The following ITGBL1 variants were observed in gnomAD, a reference collection of about 807,000 sequenced individuals.
The protein encoded by ITGBL1 is integrin beta-like protein 1.
ITGBL1 carries 51 observed loss-of-function variants against 68.5 expected under a neutral mutation model. The observed-to-expected ratio is 0.74, with a 90% CI of 0.59 to 0.94. The LOEUF (loss-of-function observed/expected upper bound fraction) is 0.94. ITGBL1 is among the 40% of genes least tolerant of loss of function. The pLI, the probability that ITGBL1 is intolerant of heterozygous loss-of-function variation, is 0.00. For synonymous variants in ITGBL1, 209 were observed against 227.3 expected (o/e 0.92, Z 0.72); for missense variants, 649 against 647.4 (o/e 1.00, Z -0.03).
In ITGBL1 at chr13:101,627,689, G is replaced by A. The variant is rs529092276; in HGVS notation, c.1015+29390G>A. 7.9e-5 allele frequency among the ~76,000 whole-genome samples: 12 copies of A among 152,182 alleles called. No homozygotes were observed. The South Asian group carries it at 1.9e-3, about 24-fold the overall frequency. ...TCACCATAGTTTTGCATTTTCCAGA[G>A]TGTCATACAGTGTGTAGGCTTTTCA... On this transcript the variant is annotated intron_variant, in intron 7 of 10. Transcript: ENST00000376180.
chr13:101,621,701 A>G (rs2031590346), intron 7 of ITGBL1, among the ~76,000 whole-genome samples: 1 of 152,168 alleles, frequency 6.6e-6, no homozygotes, highest in Non-Finnish European at 1.5e-5. Flanking sequence ...TGAAGATAAT[A>G]CAAAAAGAAA....
At chr13:101,549,637 A>G (rs2049887844) in intron 2 of ITGBL1, among the ~76,000 whole-genome samples, 1 of 152,084 alleles carries the variant, frequency 6.6e-6, no homozygotes, top group Non-Finnish European at 1.5e-5. Flanking sequence ...AAAATTTTTT[A>G]AAAGATTTTT....
chr13:101,545,782 T>G (rs2049811146), intron 2 of ITGBL1, among the ~76,000 whole-genome samples: 1 of 152,170 alleles, frequency 6.6e-6, no homozygotes, highest in Non-Finnish European at 1.5e-5. Context: ...CAGCCTATGA[T>G]TCAACAACTA....
intron 1 of ITGBL1, among the ~76,000 whole-genome samples, chr13:101,453,435 C>G (rs752129287): frequency 8.5e-5 from 13 of 152,226 alleles, no homozygotes; most frequent in Non-Finnish European, 7.3e-5. Context: ...TATAGATTCA[C>G]GTTTTCTCTT....
intron 2 of ITGBL1, among the ~76,000 whole-genome samples, chr13:101,477,147 T>A: frequency 6.6e-6 from 1 of 152,098 alleles, no homozygotes; most frequent in East Asian, 1.9e-4. Context: ...ACATATCTTC[T>A]CAGACCACAA....
intron 4 of ITGBL1, among the ~76,000 whole-genome samples, chr13:101,578,213 AGAAATACCAT>A (rs1336250673): frequency 1.3e-5 from 2 of 152,178 alleles, no homozygotes; most frequent in African/African-American, 2.4e-5. Flanking sequence ...GCCATTGGCC[AGAAATACCAT>A]AGTGTTAGAA....
intron 2 of ITGBL1, among the ~76,000 whole-genome samples, chr13:101,483,015 TG>T (rs2048648711): frequency 6.6e-6 from 1 of 152,188 alleles, no homozygotes. Context: ...TAAGAAACAC[TG>T]GTATAGAGCT....
At chr13:101,644,109 G>A (rs1361004740) in intron 7 of ITGBL1, among the ~76,000 whole-genome samples, 2 of 152,096 alleles carry the variant, frequency 1.3e-5, no homozygotes, top group African/African-American at 4.8e-5. Context: ...TGCATGCTTG[G>A]CCCTCCCTGT....
At chr13:101,600,718 C>T (rs1469046784) in intron 7 of ITGBL1, among the ~76,000 whole-genome samples, 1 of 152,130 alleles carries the variant, frequency 6.6e-6, no homozygotes, top group Non-Finnish European at 1.5e-5. Context: ...GTCTTTGGTT[C>T]TGTTTATATG....
At chr13:101,529,075 A>G (rs1011730308) in intron 2 of ITGBL1, among the ~76,000 whole-genome samples, 6 of 152,098 alleles carry the variant, frequency 3.9e-5, no homozygotes, top group African/African-American at 9.6e-5. Flanking sequence ...AATTTCAGAA[A>G]TGAAGACTAA....
At chr13:101,470,771 G>A (rs1397335782) in intron 2 of ITGBL1, among the ~76,000 whole-genome samples, 1 of 152,090 alleles carries the variant, frequency 6.6e-6, no homozygotes, top group Non-Finnish European at 1.5e-5. Context: ...TCTATGGGGT[G>A]CCCTTAAAAA....
chr13:101,521,763 G>A (rs1408202221), intron 2 of ITGBL1, among the ~76,000 whole-genome samples: 3 of 152,114 alleles, frequency 2.0e-5, no homozygotes, highest in South Asian at 2.1e-4. Context: ...ATCCGCACAA[G>A]TAAAATTGCA....
chr13:101,701,186 G>T (rs768543263), intron 8 of ITGBL1, among the ~76,000 whole-genome samples: 1 of 152,090 alleles, frequency 6.6e-6, no homozygotes, highest in African/African-American at 2.4e-5. Flanking sequence ...TTTGATGATT[G>T]GCTGAGCTAG....
At chr13:101,530,189 C>T (rs2049449110) in intron 2 of ITGBL1, among the ~76,000 whole-genome samples, 1 of 151,886 alleles carries the variant, frequency 6.6e-6, no homozygotes, top group East Asian at 1.9e-4. Flanking sequence ...TAGAACAAGT[C>T]TTAGTGTAGA....
intron 2 of ITGBL1, among the ~76,000 whole-genome samples, chr13:101,542,212 T>C (rs2049719579): frequency 6.6e-6 from 1 of 152,244 alleles, no homozygotes; most frequent in South Asian, 2.1e-4. Flanking sequence ...AATTTCCCTG[T>C]ACACACTACT....
chr13:101,605,637 T>C (rs1016398042), intron 7 of ITGBL1, among the ~76,000 whole-genome samples: 1 of 142,306 alleles, frequency 7.0e-6, no homozygotes, highest in East Asian at 2.4e-4. Context: ...TGTAGACATG[T>C]ATGTGTGTAT....
chr13:101,493,803 A>T (rs562082666), intron 2 of ITGBL1, among the ~76,000 whole-genome samples: 48 of 152,320 alleles, frequency 3.2e-4, no homozygotes, highest in African/African-American at 1.2e-3. Context: ...AGCCTATCTG[A>T]TGTTTCTTCT....
chr13:101,479,612 GAAAA>G (rs35057604), intron 2 of ITGBL1, among the ~76,000 whole-genome samples: 2,014 of 149,238 alleles, frequency 0.013, 45 homozygotes, highest in African/African-American at 0.046. Flanking sequence ...AACTCAACAG[GAAAA>G]AAAAAATCTA....
chr13:101,598,225 A>C lies in ITGBL1; in HGVS notation c.941A>C (p.Gln314Pro), dbSNP rs750488365. Residue 314 changes from glutamine to proline, a missense_variant, in exon 7 of 11, where the codon CAG becomes CCG. By Grantham distance (76) the Gln-to-Pro change is moderately conservative (BLOSUM62 -1). Transcript: ENST00000376180. ...TATGGGAAGAAGTGTGAGCACCCAC[A>C]GTCCTGCACGCTGTCAGCTGAGGAG... ...GWYGKKCEHPQSCTLSAEESI... is the reference protein window; with the variant it reads ...GWYGKKCEHPPSCTLSAEESI... 17 of 1,613,784 alleles carry C rather than the reference A, an allele frequency of 1.1e-5. No individual in the cohort carries two copies. Among genetic ancestry groups the C allele is most frequent in the Middle Eastern group, 1.6e-4 (1 of 6,082 alleles).
Sources: allele counts gnomAD v4.1 joint callset (sites outside exome capture counted in the v4.1 genomes callset), GRCh38; gene constraint gnomAD v4.1.1; transcripts MANE v1.5; gene names NCBI Gene and HGNC (gene_info 2026-07-23, HGNC 2026-07-21).